PABPC1: variants seen among roughly 807,000 people sequenced by gnomAD.
PABPC1 encodes polyadenylate-binding protein 1.
In PABPC1, 4 loss-of-function variants were observed where a neutral mutation model predicts 74.0. The ratio of observed to expected loss-of-function variants is 0.05; its 90% CI spans 0.03 to 0.12. The LOEUF is 0.12. Among genes scored for constraint, PABPC1 ranks in the 10% least tolerant of loss-of-function variants. PABPC1 has a pLI of 1.00. For synonymous variants in PABPC1, 227 were observed against 264.1 expected (o/e 0.86, Z 1.36); for missense variants, 271 against 821.1 (o/e 0.33, Z 8.19).
chr8:100,708,581 A>T (rs1166842742), intron 9 of PABPC1, among the ~76,000 whole-genome samples: 1 of 152,238 alleles, frequency 6.6e-6, no homozygotes, highest in Non-Finnish European at 1.5e-5. Flanking sequence ...GTGGCCTGAC[A>T]AAATATGAAA....
At chr8:100,717,986 T>G in intron 2 of PABPC1, 98 bp from the exon 3 acceptor site, 1 of 1,339,682 alleles carries the variant, frequency 7.5e-7, no homozygotes, top group Non-Finnish European at 1.1e-6. Flanking sequence ...CCTGGATATT[T>G]GTGAAATAAA....
At chr8:100,704,069 AAAAAAAC>A in intron 14 of PABPC1, 2 of 404,944 alleles carry the variant, frequency 4.9e-6, no homozygotes, top group South Asian at 5.9e-5. Context: ...AAAAAAAAAA[AAAAAAAC>A]ACCACCTGAA....
chr8:100,710,744 T>C (rs895131214), intron 7 of PABPC1, among the ~76,000 whole-genome samples: 3 of 152,062 alleles, frequency 2.0e-5, no homozygotes, highest in Non-Finnish European at 4.4e-5. Flanking sequence ...CCTAGCACTT[T>C]GGGAGGCCAA....
intron 4 of PABPC1, among the ~76,000 whole-genome samples, 169 bp downstream of exon 4, chr8:100,715,293 C>T (rs1408904707): frequency 1.3e-5 from 2 of 152,200 alleles, no homozygotes; most frequent in African/African-American, 4.8e-5. Flanking sequence ...CATTATACTA[C>T]TTTGTAGTGT....
chr8:100,720,158 AG>A lies in PABPC1; in HGVS notation c.193+1232del, dbSNP rs796594192. ...ACATGTATTCAAGTGGCCAGCCTGT[AG>A]GGGGGGAAAAAGGCAAAATTGGGCC... On this transcript the variant is annotated intron_variant, in intron 1 of 14. Coordinates refer to ENST00000318607, the MANE Select transcript of PABPC1 (RefSeq NM_002568.4). 4.0e-4 allele frequency among the ~76,000 whole-genome samples: 61 copies of A among 152,232 alleles called. 1 individual carries two copies. The highest frequency in any genetic ancestry group is 3.4e-3 in the Middle Eastern group (1 of 294).
chr8:100,716,580 T>A lies in PABPC1; in HGVS notation c.504-979A>T, dbSNP rs564119552. 4.6e-5 allele frequency among the ~76,000 whole-genome samples: 7 copies of A among 152,372 alleles called. No individual in the cohort carries two copies. The South Asian group carries it at 1.4e-3, about 32-fold the overall frequency. Reference sequence around the variant, plus strand: ...AAGTAAAATAAAAATAATTTCCTTATCTCTCCACAAAATATGGTTGGTCTT... The same window carrying A: ...AAGTAAAATAAAAATAATTTCCTTAACTCTCCACAAAATATGGTTGGTCTT... On this transcript the variant is annotated intron_variant, in intron 3 of 14. Transcript: ENST00000318607.
chr8:100,720,763 T>C (rs994561453), intron 1 of PABPC1, among the ~76,000 whole-genome samples: 2 of 152,176 alleles, frequency 1.3e-5, no homozygotes, highest in African/African-American at 4.8e-5. Context: ...ATTCCATTCC[T>C]AGATCCATCA....
intron 4 of PABPC1, 127 bp downstream of exon 4, chr8:100,715,335 C>T: frequency 1.3e-6 from 1 of 780,802 alleles, no homozygotes; most frequent in Non-Finnish European, 2.0e-6. Flanking sequence ...TTCAAATAAC[C>T]ACAAATATTT....
At chr8:100,710,333 C>A (rs1810495157) in intron 7 of PABPC1, among the ~76,000 whole-genome samples, 1 of 152,094 alleles carries the variant, frequency 6.6e-6, no homozygotes, top group Admixed American at 6.6e-5. Context: ...CTCGCTAGGC[C>A]AGCAATATAT....
chr8:100,718,001 T>C (rs1430471097), intron 2 of PABPC1, 86 bp downstream of exon 2: 17 of 1,334,024 alleles, frequency 1.3e-5, no homozygotes, highest in Non-Finnish European at 1.8e-5. Flanking sequence ...AATAAAGATA[T>C]CCATTACTGC....
At position 100,704,965 on chromosome 8, in the gene PABPC1, A is replaced by T. The variant is rs1284429123; in HGVS notation, c.1779T>A (p.Leu593=). 3 of 1,613,074 alleles carry T rather than the reference A, an allele frequency of 1.9e-6. No individual in the cohort carries two copies. The highest frequency in any genetic ancestry group is 2.5e-6 in the Non-Finnish European group (3 of 1,179,870). The change falls in exon 13 of 15, where the codon CTT becomes CTA. Residue 593 remains leucine, a synonymous_variant. Transcript: ENST00000318607. ...ACTCTGGAGACTCGAGCATATGAAG[A>T]AGTTCTGAATTATCAATCTCCAACA... ...GMLLEIDNSE[L]LHMLESPESL...
At chr8:100,715,872 T>C (rs556508269) in intron 3 of PABPC1, among the ~76,000 whole-genome samples, 1 of 152,150 alleles carries the variant, frequency 6.6e-6, no homozygotes, top group Non-Finnish European at 1.5e-5. Context: ...ATCACTCCCA[T>C]CAATACAAAT....
chr8:100,710,154 G>A (rs1587152619), intron 7 of PABPC1, among the ~76,000 whole-genome samples: 1 of 151,970 alleles, frequency 6.6e-6, no homozygotes, highest in Admixed American at 6.5e-5. Context: ...ATGCCTTTGA[G>A]AAAAAAGTAG....
At chr8:100,712,510 G>A (rs1563612965) in intron 6 of PABPC1, 53 bp from the exon 7 acceptor site, 1 of 1,456,254 alleles carries the variant, frequency 6.9e-7, no homozygotes, top group Non-Finnish European at 9.4e-7. Context: ...TGGTACCTAA[G>A]TACATCGGGT....
chr8:100,721,673 G>A lies in PABPC1; in HGVS notation c.-90C>T, dbSNP rs538226128. On this transcript the variant is annotated 5_prime_UTR_variant, in exon 1 of 15. Coordinates refer to ENST00000318607, the MANE Select transcript of PABPC1 (RefSeq NM_002568.4). This position sits in a 1 kb window ranked among gnomAD's most constrained non-coding sequence, Gnocchi z 7.4. ...CGGGGCTGGGGGCCGGAGCCGGGGG[G>A]AGGGGAGCGGGGAGCAAGCGCAGAG... is the stretch of plus-strand genomic sequence containing the variant. 1.8e-5 allele frequency: 18 copies of A among 1,027,202 alleles called. No homozygotes were observed. In the Admixed American group the frequency reaches 2.7e-4, roughly 15 times the overall value. 63.6% of individuals were successfully genotyped at this position (1,027,202 alleles called of 1,614,324 possible).
At chr8:100,708,289 T>C (rs189423587) in intron 9 of PABPC1, among the ~76,000 whole-genome samples, 2 of 152,256 alleles carry the variant, frequency 1.3e-5, no homozygotes, top group Non-Finnish European at 2.9e-5. Context: ...ATCCCGTCTC[T>C]ACAAAAAATT....
chr8:100,713,016 GCA>G (rs1810570423), intron 5 of PABPC1, 69 bp downstream of exon 5: 4 of 1,099,514 alleles, frequency 3.6e-6, no homozygotes, highest in African/African-American at 3.1e-5. Context: ...CTATTAGTAT[GCA>G]CATAGACTTC....
intron 3 of PABPC1, among the ~76,000 whole-genome samples, chr8:100,716,644 C>T (rs768022283): frequency 6.7e-4 from 102 of 152,294 alleles, no homozygotes; most frequent in Middle Eastern, 3.4e-3. Context: ...TCAAAGGGAG[C>T]GTATTTCATT....
chr8:100,721,377 A>T lies in PABPC1; in HGVS notation c.193+14T>A, dbSNP rs753424296. 1 of 1,443,926 alleles carries T rather than the reference A, an allele frequency of 6.9e-7. No homozygotes were observed. Among genetic ancestry groups the T allele is most frequent in the African/African-American group, 1.5e-5 (1 of 68,638 alleles). The allele number at this position is 1,443,926 out of a possible 1,614,324, so 89.4% of individuals were successfully genotyped here. ...CGCCCGCCCGCCCGGCCGACCGCGG[A>T]GCCCGGCGCTCACCGTCCGCCGGCT... On this transcript the variant is annotated intron_variant, in intron 1 of 14. Transcript: ENST00000318607. The surrounding 1 kb of genome is among the most constrained non-coding windows in gnomAD (Gnocchi z 7.4).
Sources: gnomAD v4.1 joint callset for allele counts (sites outside exome capture counted in the v4.1 genomes callset) on GRCh38, gnomAD v4.1.1 for gene constraint, Gnocchi (gnomAD v3.1) non-coding constraint, MANE v1.5 for transcripts, NCBI Gene and HGNC (gene_info 2026-07-23, HGNC 2026-07-21) for gene names.